The following SDS variants were observed in gnomAD, a reference collection of about 807,000 sequenced individuals.
The protein encoded by SDS is L-serine dehydratase/L-threonine deaminase.
SDS carries 19 observed loss-of-function variants against 29.3 expected under a neutral mutation model. The ratio of observed to expected loss-of-function variants is 0.65; its 90% CI spans 0.45 to 0.95. The LOEUF (loss-of-function observed/expected upper bound fraction) is 0.95. SDS is among the 40% of genes least tolerant of loss of function. SDS has a pLI of 0.00. For synonymous variants in SDS, 176 were observed against 189.0 expected, an observed-to-expected ratio of 0.93 and a Z score of 0.56; for missense variants, 375 against 439.9, an observed-to-expected ratio of 0.85 and a Z score of 1.32.
intron 1 of SDS, among the ~76,000 whole-genome samples, chr12:113,400,530 C>T (rs1054186246): frequency 4.0e-5 from 6 of 151,840 alleles, no homozygotes; most frequent in African/African-American, 1.5e-4. Context: ...CACCCACACA[C>T]ACAGATAATC....
intron 1 of SDS, among the ~76,000 whole-genome samples, chr12:113,402,887 G>A (rs1001881583): frequency 1.3e-5 from 2 of 152,182 alleles, no homozygotes; most frequent in African/African-American, 4.8e-5. Flanking sequence ...GAGGGAGGGA[G>A]CCCTGAAGCC....
In SDS at chr12:113,393,127, C is replaced by G. The variant is rs770068207; in HGVS notation, c.801G>C (p.Glu267Asp). The G allele has an allele frequency of 1.2e-6, 2 of 1,613,808 alleles. No homozygotes were observed. Among genetic ancestry groups the G allele is most frequent in the East Asian group, 2.2e-5 (1 of 44,902 alleles). ...CGGCCAGGGCTGCCCCGCAGGCGGG[C>G]TCCACCAGGATCTTCTCATCATCTG... is the stretch of plus-strand genomic sequence containing the variant. ...KFVDDEKILV[E>D]PACGAALAAV... Residue 267 changes from glutamate (E) to aspartate (D), a missense_variant, in exon 8 of 8, where the codon GAG (glutamate) becomes GAC (aspartate). Glu to Asp is a conservative substitution (Grantham distance 45, BLOSUM62 2). Transcript: ENST00000257549.
At chr12:113,396,506 CTCCT>C (rs1957646266) in intron 6 of SDS, 1 of 57,666 alleles carries the variant, frequency 1.7e-5, no homozygotes, top group Non-Finnish European at 3.4e-5. Context: ...CTCTTCCTTT[CTCCT>C]TCCTTCCTTC....
intron 7 of SDS, among the ~76,000 whole-genome samples, 191 bp downstream of exon 7, chr12:113,393,701 T>C (rs1222649476): frequency 6.6e-6 from 1 of 152,238 alleles, no homozygotes; most frequent in African/African-American, 2.4e-5. Flanking sequence ...TTTTCCATTA[T>C]GTGTGGCTTT....
At position 113,398,839 on chromosome 12, in the gene SDS, G is replaced by A. The variant is rs35465493; in HGVS notation, c.201C>T (p.Asn67=). 1.8e-3 allele frequency: 2,828 copies of A among 1,604,520 alleles called. 2 individuals are homozygous for A. Among genetic ancestry groups the A allele is most frequent in the Non-Finnish European group, 2.3e-3 (2,655 of 1,175,726 alleles). Residue 67 remains asparagine, a synonymous_variant, in exon 4 of 8, where the codon AAC becomes AAT. Coordinates refer to ENST00000257549, the MANE Select transcript of SDS (RefSeq NM_006843.3). ...CAHFVCSSAG[N]AGMAAAYAAR... ...CCGCATATGCAGCCGCCATGCCTGCGTTGCCCGCTGCCAGGGTCGGGGGTG... is the reference window on the plus strand; with the variant it reads ...CCGCATATGCAGCCGCCATGCCTGCATTGCCCGCTGCCAGGGTCGGGGGTG...
chr12:113,398,728 G>C lies in SDS; in HGVS notation c.312C>G (p.Ala104=). ...TCACCTCACCCACCACCTTGACTGT[G>C]GCACCTTCATTCTTGAGGCGCTCAA... ...LTIERLKNEG[A]TVKVVGELLD... The change falls in exon 4 of 8, where the codon GCC becomes GCG. Residue 104 remains alanine (A), a synonymous_variant. Coordinates refer to ENST00000257549, the MANE Select transcript of SDS (RefSeq NM_006843.3). 6.2e-7 allele frequency: 1 copy of C among 1,614,230 alleles called. No homozygotes were observed. The highest frequency in any genetic ancestry group is 8.5e-7 in the Non-Finnish European group (1 of 1,180,026).
rs139096961 is a variant in SDS, at chr12:113,402,920, C to T, written c.-3+848G>A. ...GCCGCTGTCTGCCCACTCCGGCAGT[C>T]GGAAGCCACCTTCCCTTTCACTTGG... On this transcript the variant is annotated intron_variant, in intron 1 of 7. Coordinates refer to ENST00000257549, the MANE Select transcript of SDS (RefSeq NM_006843.3). Among the ~76,000 whole-genome samples the T allele has an allele frequency of 6.5e-3, 994 of 152,278 alleles. 13 individuals are homozygous for T. Among genetic ancestry groups the T allele is most frequent in the African/African-American group, 0.022 (921 of 41,546 alleles).
intron 6 of SDS, among the ~76,000 whole-genome samples, chr12:113,396,401 TTTCTC>T (rs1957644404): frequency 6.6e-6 from 1 of 150,692 alleles, no homozygotes; most frequent in African/African-American, 2.4e-5. Context: ...TCTTCCTTTC[TTTCTC>T]TTTTTTCTTT....
At chr12:113,399,331 G>A (rs1016068630) in intron 2 of SDS, 180 bp from the exon 3 acceptor site, 5 of 858,520 alleles carry the variant, frequency 5.8e-6, no homozygotes, top group South Asian at 1.6e-5. Context: ...CTCAGGAAAG[G>A]GTGGAGGAAA....
Position 113,393,112 on chromosome 12 carries a change from TGCCCC to T in SDS, c.811_815del (p.Gly271SerfsTer7). Reference sequence around the variant, plus strand: ...CGTGGCTATAGACAGCGGCCAGGGCTGCCCCGCAGGCGGGCTCCACCAGGATCTTC... The same window carrying T: ...CGTGGCTATAGACAGCGGCCAGGGCTGCAGGCGGGCTCCACCAGGATCTTC... On this transcript the variant is annotated frameshift_variant, in exon 8 of 8. Transcript: ENST00000257549. LOFTEE classifies it high-confidence loss of function. 1 of 1,614,144 alleles carries T rather than the reference TGCCCC, an allele frequency of 6.2e-7. No individual in the cohort carries two copies. Among genetic ancestry groups the T allele is most frequent in the Non-Finnish European group, 8.5e-7 (1 of 1,180,032 alleles).
intron 6 of SDS, among the ~76,000 whole-genome samples, chr12:113,395,279 G>A (rs1957637695): frequency 1.3e-5 from 2 of 152,188 alleles, no homozygotes; most frequent in African/African-American, 4.8e-5. Context: ...GAGGGCCTGA[G>A]CCACCTCAGC....
chr12:113,396,947 G>A (rs1452271617), intron 6 of SDS: 2 of 588,316 alleles, frequency 3.4e-6, no homozygotes, highest in African/African-American at 1.9e-5. Flanking sequence ...CCTCATATGA[G>A]GCTTTTCACG....
At chr12:113,394,396 G>C (rs1403631678) in intron 6 of SDS, among the ~76,000 whole-genome samples, 1 of 149,450 alleles carries the variant, frequency 6.7e-6, no homozygotes, top group African/African-American at 2.5e-5. Context: ...CTGGAGTGCA[G>C]TGGTGCGATC....
chr12:113,398,061 CTTTTTTT>C (rs71443028), intron 5 of SDS, among the ~76,000 whole-genome samples: 1 of 130,820 alleles, frequency 7.6e-6, no homozygotes, highest in Non-Finnish European at 1.7e-5. Flanking sequence ...TGTGTTTCTT[CTTTTTTT>C]TTTTTTTTGT....
At chr12:113,396,904 G>C (rs1387358707) in intron 6 of SDS, 2 of 536,152 alleles carry the variant, frequency 3.7e-6, no homozygotes, top group Non-Finnish European at 6.7e-6. Flanking sequence ...CACCCAAAGT[G>C]CTGGGATTAC....
Position 113,393,129 on chromosome 12 carries a change from C to A in SDS, c.799G>T (p.Glu267Ter). ...KFVDDEKILV[E>*]PACGAALAAV... ...GCCAGGGCTGCCCCGCAGGCGGGCT[C>A]CACCAGGATCTTCTCATCATCTGCC... is the stretch of plus-strand genomic sequence containing the variant. The change falls in exon 8 of 8, where the codon GAG becomes TAG. Residue 267 changes from glutamate to a stop codon, truncating the protein, a stop_gained. Transcript: ENST00000257549. LOFTEE classifies it high-confidence loss of function. 6.2e-7 allele frequency: 1 copy of A among 1,613,894 alleles called. No homozygotes were observed. The highest frequency in any genetic ancestry group is 8.5e-7 in the Non-Finnish European group (1 of 1,180,004).
chr12:113,393,053 C>T lies in SDS; in HGVS notation c.875G>A (p.Arg292Gln), dbSNP rs764194554. 3 of 1,614,214 alleles carry T rather than the reference C, an allele frequency of 1.9e-6. No homozygotes were observed. The South Asian group carries it at 3.3e-5, about 18-fold the overall frequency. Reference sequence around the variant, plus strand: ...GACCACGAGGGATGGCAGCGGGGTTCGGAGATTCCCCTCCAGTTGGAGCTT... The same window carrying T: ...GACCACGAGGGATGGCAGCGGGGTTTGGAGATTCCCCTCCAGTTGGAGCTT... The part of the protein sequence containing the change: ...IQKLQLEGNL[R>Q]TPLPSLVVIV... Residue 292 changes from arginine to glutamine, a missense_variant, in exon 8 of 8, where the codon CGA becomes CAA. Coordinates refer to ENST00000257549, the MANE Select transcript of SDS (RefSeq NM_006843.3).
intron 6 of SDS, chr12:113,396,541 T>TCTCCCTTC (rs1957646920): frequency 3.2e-5 from 1 of 30,840 alleles, no homozygotes; most frequent in African/African-American, 1.3e-4. Context: ...TCCCTCCCTC[T>TCTCCCTTC]CTCCCTTCCT....
intron 1 of SDS, 88 bp from the exon 2 acceptor site, chr12:113,399,798 C>A: frequency 2.3e-6 from 3 of 1,291,730 alleles, no homozygotes; most frequent in East Asian, 5.6e-5. Flanking sequence ...CGCTTCCCAG[C>A]AAGCCAAGCA....
Sources: allele counts gnomAD v4.1 joint callset (sites outside exome capture counted in the v4.1 genomes callset), GRCh38; gene constraint gnomAD v4.1.1; transcripts MANE v1.5; gene names NCBI Gene and HGNC (gene_info 2026-07-23, HGNC 2026-07-21).